HS6ST3: variants seen among roughly 807,000 people sequenced by gnomAD.
HS6ST3 encodes heparan sulfate 6-O-sulfotransferase 3, also known as heparan-sulfate 6-O-sulfotransferase 3.
HS6ST3 carries 12 observed loss-of-function variants against 36.7 expected under a neutral mutation model. The ratio of observed to expected loss-of-function variants is 0.33; its 90% confidence interval spans 0.21 to 0.53. The LOEUF (loss-of-function observed/expected upper bound fraction) is 0.53, where lower values mean the gene tolerates loss of function less well. HS6ST3 is among the 20% of genes least tolerant of loss of function. The pLI, the probability that HS6ST3 is intolerant of heterozygous loss-of-function variation, is 0.95. For missense variants in HS6ST3, 584 were observed against 640.9 expected (o/e 0.91, Z 0.96); for synonymous variants, 240 against 257.5 (o/e 0.93, Z 0.65).
chr13:96,278,871 T>A (rs1162258594), intron 1 of HS6ST3, among the ~76,000 whole-genome samples: 1 of 152,164 alleles, frequency 6.6e-6, no homozygotes, highest in Non-Finnish European at 1.5e-5. Context: ...TTCAATATCT[T>A]TTAAGAACAA....
In HS6ST3 at chr13:96,832,765, T is replaced by C; in HGVS notation, c.983T>C (p.Met328Thr). Residue 328 changes from methionine (M) to threonine (T), a missense_variant, in exon 2 of 2, where the codon ATG becomes ACG. This residue lies in a region of HS6ST3 where 360 missense variants were observed against 411.3 expected (regional missense o/e 0.88). Coordinates refer to ENST00000376705, the MANE Select transcript of HS6ST3 (RefSeq NM_153456.4). Reference protein sequence around the residue: ...SLVGCYNLTFMNESERNTILL... With the variant: ...SLVGCYNLTFTNESERNTILL... The stretch of plus-strand genomic sequence containing the variant: ...GTGGGCTGCTATAACTTGACTTTCA[T>C]GAACGAGAGTGAAAGAAACACCATC... The C allele has an allele frequency of 6.2e-7, 1 of 1,614,152 alleles. No individual in the cohort carries two copies. The highest frequency in any genetic ancestry group is 8.5e-7 in the Non-Finnish European group (1 of 1,180,028).
intron 1 of HS6ST3, among the ~76,000 whole-genome samples, chr13:96,664,984 C>A (rs1357538853): frequency 6.6e-6 from 1 of 152,052 alleles, no homozygotes; most frequent in African/African-American, 2.4e-5. Context: ...CCAGCCCGGG[C>A]AACATGGTGA....
At chr13:96,101,939 A>G (rs2053820271) in intron 1 of HS6ST3, among the ~76,000 whole-genome samples, 1 of 152,084 alleles carries the variant, frequency 6.6e-6, no homozygotes, top group Admixed American at 6.6e-5. Context: ...GATCATTTTC[A>G]GGTCTTTGTC....
intron 1 of HS6ST3, among the ~76,000 whole-genome samples, chr13:96,195,299 A>G (rs192118668): frequency 6.6e-6 from 1 of 152,370 alleles, no homozygotes; most frequent in Non-Finnish European, 1.5e-5. Context: ...AATGAATAAC[A>G]GAGAAAATCT....
chr13:96,417,894 A>G (rs1431850507), intron 1 of HS6ST3, among the ~76,000 whole-genome samples: 1 of 152,108 alleles, frequency 6.6e-6, no homozygotes, highest in African/African-American at 2.4e-5. Flanking sequence ...CAGTATTTTC[A>G]TCAATGAATT....
chr13:96,588,545 A>G (rs1304967106), intron 1 of HS6ST3, among the ~76,000 whole-genome samples: 1 of 152,224 alleles, frequency 6.6e-6, no homozygotes, highest in African/African-American at 2.4e-5. Flanking sequence ...GCTGATTTAC[A>G]TAAGTTGAAT....
chr13:96,222,503 A>G (rs1927807), intron 1 of HS6ST3, among the ~76,000 whole-genome samples: 75,350 of 152,086 alleles, frequency 0.5, 18,837 homozygotes, highest in Admixed American at 0.58. Context: ...CAAGATCAGC[A>G]AATGCTAACA....
chr13:96,281,008 A>G (rs989491326), intron 1 of HS6ST3, among the ~76,000 whole-genome samples: 2 of 151,956 alleles, frequency 1.3e-5, no homozygotes, highest in South Asian at 4.1e-4. Context: ...AGAAATTTGT[A>G]TCTTTTTTTT....
chr13:96,446,755 G>T (rs973476959), intron 1 of HS6ST3, among the ~76,000 whole-genome samples: 1 of 152,164 alleles, frequency 6.6e-6, no homozygotes, highest in South Asian at 2.1e-4. Context: ...AGCCAATGCT[G>T]GTGTGGCCAT....
chr13:96,274,010 CTCTCTT>C (rs1339033237), intron 1 of HS6ST3, among the ~76,000 whole-genome samples: 4 of 137,844 alleles, frequency 2.9e-5, no homozygotes, highest in Non-Finnish European at 6.2e-5. Context: ...CCTTCTCTCT[CTCTCTT>C]TCTCTTTCTC....
intron 1 of HS6ST3, among the ~76,000 whole-genome samples, chr13:96,796,362 T>C (rs1456314601): frequency 1.3e-5 from 2 of 152,210 alleles, no homozygotes; most frequent in East Asian, 3.9e-4. Context: ...TTCTTTTGAA[T>C]GATATGGCAA....
At chr13:96,657,665 G>A (rs1426200088) in intron 1 of HS6ST3, among the ~76,000 whole-genome samples, 1 of 152,150 alleles carries the variant, frequency 6.6e-6, no homozygotes, top group African/African-American at 2.4e-5. Context: ...AAGAGCTTTT[G>A]TAAAGAATCC....
intron 1 of HS6ST3, among the ~76,000 whole-genome samples, chr13:96,294,400 T>C (rs140185193): frequency 6.6e-5 from 10 of 152,314 alleles, no homozygotes; most frequent in African/African-American, 2.4e-4. Context: ...ACATTATTTC[T>C]TGGTTCACCA....
intron 1 of HS6ST3, among the ~76,000 whole-genome samples, chr13:96,409,770 G>A (rs1474357440): frequency 6.6e-6 from 1 of 151,992 alleles, no homozygotes; most frequent in African/African-American, 2.4e-5. Context: ...GAAGTGAACT[G>A]ACTAATTCAA....
At chr13:96,132,481 A>T (rs776247287) in intron 1 of HS6ST3, among the ~76,000 whole-genome samples, 7 of 151,464 alleles carry the variant, frequency 4.6e-5, no homozygotes, top group Non-Finnish European at 5.9e-5. Flanking sequence ...ATCACAGCTC[A>T]CTACAGCCTC....
intron 1 of HS6ST3, among the ~76,000 whole-genome samples, chr13:96,408,081 A>G (rs1168327285): frequency 6.6e-6 from 1 of 152,128 alleles, no homozygotes; most frequent in African/African-American, 2.4e-5. Flanking sequence ...CTGGGACTAT[A>G]TGTGTGCACC....
intron 1 of HS6ST3, among the ~76,000 whole-genome samples, chr13:96,147,478 G>GA (rs903641130): frequency 3.3e-4 from 50 of 152,346 alleles, no homozygotes; most frequent in Non-Finnish European, 5.6e-4. Flanking sequence ...ACATTGTTGA[G>GA]AAAAAATAAA....
In HS6ST3 at chr13:96,659,385, G is replaced by A. The variant is rs558473546; in HGVS notation, c.708-173105G>A. On this transcript the variant is annotated intron_variant, in intron 1 of 1. Transcript: ENST00000376705. ...TTGCCTTTTTCTTATTAGGTTATGGGAATTCTTGAGATAGCCCATATATAA... is the reference window on the plus strand; with the variant it reads ...TTGCCTTTTTCTTATTAGGTTATGGAAATTCTTGAGATAGCCCATATATAA... Among the ~76,000 whole-genome samples the A allele has an allele frequency of 2.0e-5, 3 of 152,010 alleles. No individual in the cohort carries two copies. The South Asian group carries it at 6.3e-4, about 32-fold the overall frequency.
chr13:96,550,651 G>GTT (rs146390953), intron 1 of HS6ST3, among the ~76,000 whole-genome samples: 1,641 of 148,382 alleles, frequency 0.011, 25 homozygotes, highest in African/African-American at 0.032. Flanking sequence ...AATATTTTAT[G>GTT]TTTTTTTTTT....
Sources: gnomAD v4.1 joint callset for allele counts (sites outside exome capture counted in the v4.1 genomes callset) on GRCh38, gnomAD v4.1.1 for gene constraint, gnomAD v4.1.1 regional missense constraint, MANE v1.5 for transcripts, NCBI Gene and HGNC (gene_info 2026-07-23, HGNC 2026-07-21) for gene names.